The following SLC9A8 variants were observed in gnomAD, a reference collection of about 807,000 sequenced individuals.
SLC9A8 encodes sodium/hydrogen exchanger 8.
A neutral mutation model predicts 66.6 loss-of-function variants in SLC9A8; 48 were observed. That is an observed-to-expected ratio of 0.72 (90% CI 0.57 to 0.92). The LOEUF (loss-of-function observed/expected upper bound fraction) is 0.92. Ranked by LOEUF, SLC9A8 falls within the 40% of genes least tolerant of loss-of-function variation. The pLI is 0.00. For missense variants in SLC9A8, 599 were observed against 747.3 expected (o/e 0.80, Z 2.31); for synonymous variants, 274 against 282.6 (o/e 0.97, Z 0.31).
In SLC9A8 at chr20:49,886,968, A is replaced by T. The variant is rs2089914935; in HGVS notation, c.1638+70A>T. ...CCTCCTTCAGGACCTGCGGTGGCCC[A>T]GGGTGGGGTGGAGGAAGAGTGGGGA... On this transcript the variant is annotated intron_variant, in intron 15 of 15. Transcript: ENST00000361573. The surrounding 1 kb of genome is among the most constrained non-coding windows in gnomAD (Gnocchi z 4.8). 2 of 1,524,380 alleles carry T rather than the reference A, an allele frequency of 1.3e-6. No individual in the cohort carries two copies. Among genetic ancestry groups the T allele is most frequent in the Non-Finnish European group, 1.8e-6 (2 of 1,125,222 alleles). 94.4% of individuals were successfully genotyped at this position (1,524,380 alleles called of 1,614,324 possible). A position where few individuals can be genotyped will look rare whatever the true frequency, so the allele number is the denominator to read the frequency against.
intron 13 of SLC9A8, among the ~76,000 whole-genome samples, chr20:49,881,679 C>A (rs2089630313): frequency 6.6e-6 from 1 of 152,154 alleles, no homozygotes; most frequent in Non-Finnish European, 1.5e-5. Context: ...ATAATGTTCT[C>A]TATCCAAAGG....
Position 49,815,078 on chromosome 20 carries a change from C to T in SLC9A8, c.97C>T (p.Leu33=), listed in dbSNP as rs1385518993. Residue 33 remains leucine, a synonymous_variant, in exon 2 of 16, where the codon CTG becomes TTG. Coordinates refer to ENST00000361573, the MANE Select transcript of SLC9A8 (RefSeq NM_015266.3). ...LHTTLVVTTK[L]VLPTPGKPIL... is the part of the protein sequence containing the mutation. Reference sequence around the variant, plus strand: ...CACCACCCTGGTTGTCACGACGAAACTGGTGCTCCCGACCCCTGGCAAGCC... The same window carrying T: ...CACCACCCTGGTTGTCACGACGAAATTGGTGCTCCCGACCCCTGGCAAGCC... 2.5e-6 allele frequency: 4 copies of T among 1,609,342 alleles called. No homozygotes were observed. Among genetic ancestry groups the T allele is most frequent in the Non-Finnish European group, 2.5e-6 (3 of 1,178,046 alleles).
chr20:49,814,189 C>T (rs2086463494), intron 1 of SLC9A8, among the ~76,000 whole-genome samples: 1 of 152,160 alleles, frequency 6.6e-6, no homozygotes, highest in Non-Finnish European at 1.5e-5. Flanking sequence ...CCAGCGATTT[C>T]AAGTTTGGGT....
chr20:49,852,455 A>G (rs1343649237), intron 7 of SLC9A8, among the ~76,000 whole-genome samples: 1 of 152,244 alleles, frequency 6.6e-6, no homozygotes, highest in African/African-American at 2.4e-5. Context: ...TGTAGAAAAC[A>G]TAAAAATAAC....
Position 49,864,733 on chromosome 20 carries a change from A to C in SLC9A8, c.853-6A>C, listed in dbSNP as rs762856999. ...CGATTCTCCTTCCTTGACAGTTGTC[A>C]TTTACGTGCTGAAGCATATTGACTT... On this transcript the variant is annotated splice_polypyrimidine_tract_variant and splice_region_variant and intron_variant, in intron 9 of 15. Coordinates refer to ENST00000361573, the MANE Select transcript of SLC9A8 (RefSeq NM_015266.3). The C allele has an allele frequency of 5.6e-6, 9 of 1,610,496 alleles. No homozygotes were observed. The highest frequency in any genetic ancestry group is 7.6e-6 in the Non-Finnish European group (9 of 1,176,854).
Position 49,834,177 on chromosome 20 carries a change from CTCTCTCTCTATATATATA to C in SLC9A8, c.290-5362_290-5345del, listed in dbSNP as rs1440315367. On this transcript the variant is annotated intron_variant, in intron 3 of 15. Coordinates refer to ENST00000361573, the MANE Select transcript of SLC9A8 (RefSeq NM_015266.3). ...TCTCTCTCTCTCTCTCTCTCTCTCT[CTCTCTCTCTATATATATA>C]TATATATATATATATATATACACAC... 1.9e-3 allele frequency among the ~76,000 whole-genome samples: 108 copies of C among 56,970 alleles called. 3 individuals carry two copies. Among genetic ancestry groups the C allele is most frequent in the Middle Eastern group, 0.01 (1 of 100 alleles). The allele number at this position is 56,970 out of a possible 152,430, so 37.4% of individuals were successfully genotyped here. A position where few individuals can be genotyped will look rare whatever the true frequency, so the allele number is the denominator to read the frequency against.
Position 49,812,837 on chromosome 20 carries a change from C to A in SLC9A8, c.-86C>A. 2 of 1,456,276 alleles carry A rather than the reference C, an allele frequency of 1.4e-6. No homozygotes were observed. The highest frequency in any genetic ancestry group is 2.9e-5 in the East Asian group (1 of 34,508). The allele number at this position is 1,456,276 out of a possible 1,614,324, so 90.2% of individuals were successfully genotyped here. A position where few individuals can be genotyped will look rare whatever the true frequency, so the allele number is the denominator to read the frequency against. The stretch of plus-strand genomic sequence containing the variant: ...CGAGGCCCCGCCTCCCGCTCGCCCG[C>A]CCGCGCCTCCAGCGGAAGCCGGAAG... On this transcript the variant is annotated 5_prime_UTR_variant, in exon 1 of 16. Transcript: ENST00000361573.
At chr20:49,880,664 T>C (rs1051555253) in intron 12 of SLC9A8, among the ~76,000 whole-genome samples, 6 of 152,216 alleles carry the variant, frequency 3.9e-5, no homozygotes, top group Non-Finnish European at 8.8e-5. Flanking sequence ...TGATACCTCG[T>C]CCGTCCTCTC....
At chr20:49,836,362 C>G (rs1469855190) in intron 3 of SLC9A8, among the ~76,000 whole-genome samples, 1 of 152,108 alleles carries the variant, frequency 6.6e-6, no homozygotes, top group Admixed American at 6.5e-5. Context: ...GAAATGGAGT[C>G]TAACTTTGTC....
intron 3 of SLC9A8, among the ~76,000 whole-genome samples, chr20:49,834,199 A>G (rs1457959092): frequency 7.9e-6 from 1 of 126,440 alleles, no homozygotes. Flanking sequence ...ATATATATAT[A>G]TATATATATA....
chr20:49,824,791 C>T (rs1196739611), intron 3 of SLC9A8, among the ~76,000 whole-genome samples: 1 of 152,164 alleles, frequency 6.6e-6, no homozygotes, highest in Non-Finnish European at 1.5e-5. Context: ...AGATGGGCCC[C>T]TCCAAGTCAA....
chr20:49,882,845 C>T (rs2089681464), intron 13 of SLC9A8, among the ~76,000 whole-genome samples: 1 of 152,196 alleles, frequency 6.6e-6, no homozygotes, highest in South Asian at 2.1e-4. Context: ...AGTCCCTTGT[C>T]CTCACCATGT....
intron 3 of SLC9A8, chr20:49,830,252 T>G: frequency 9.6e-7 from 1 of 1,036,742 alleles, no homozygotes; most frequent in Non-Finnish European, 1.5e-6. Context: ...GGGGCCTTGG[T>G]CTCATGAGAA....
rs1476365542 is a variant in SLC9A8 at position 49,891,176 on chromosome 20, G to C, written c.*3240G>C. ...GTGGGGAGAAGCTCAGTGGCCGTTTGCTGCCACTGACAAGGATTTCACATG... is the reference window on the plus strand; with the variant it reads ...GTGGGGAGAAGCTCAGTGGCCGTTTCCTGCCACTGACAAGGATTTCACATG... On this transcript the variant is annotated 3_prime_UTR_variant, in exon 16 of 16. Transcript: ENST00000361573. 1.3e-5 allele frequency: 2 copies of C among 152,290 alleles called. No individual in the cohort carries two copies. Among genetic ancestry groups the C allele is most frequent in the East Asian group, 3.9e-4 (2 of 5,170 alleles). 9.4% of individuals were successfully genotyped at this position (152,290 alleles called of 1,614,324 possible). A position where few individuals can be genotyped will look rare whatever the true frequency, so the allele number is the denominator to read the frequency against.
At chr20:49,832,859 C>G (rs1371572697) in intron 3 of SLC9A8, among the ~76,000 whole-genome samples, 3 of 151,868 alleles carry the variant, frequency 2.0e-5, no homozygotes, top group African/African-American at 4.8e-5. Context: ...CTGTAAAGTT[C>G]CTTTTTATAA....
intron 3 of SLC9A8, among the ~76,000 whole-genome samples, chr20:49,827,045 G>A (rs1327736913): frequency 2.0e-5 from 3 of 151,358 alleles, no homozygotes; most frequent in Non-Finnish European, 2.9e-5. Context: ...GGGTTCAAGC[G>A]ATTCTCCTGC....
At chr20:49,864,700 C>G in intron 9 of SLC9A8, 39 bp from the exon 10 acceptor site, 1 of 1,443,214 alleles carries the variant, frequency 6.9e-7, no homozygotes, top group Non-Finnish European at 9.8e-7. Context: ...CTCCCATCAA[C>G]TCTCCCTCGA....
intron 10 of SLC9A8, among the ~76,000 whole-genome samples, chr20:49,870,496 G>A (rs1412053178): frequency 6.6e-6 from 1 of 152,140 alleles, no homozygotes; most frequent in African/African-American, 2.4e-5. Context: ...AGATAGATGT[G>A]CGGGAGTGTG....
chr20:49,818,528 T>C lies in SLC9A8; in HGVS notation c.208+3339T>C, dbSNP rs557783696. 3.5e-4 allele frequency among the ~76,000 whole-genome samples: 53 copies of C among 151,408 alleles called. No individual in the cohort carries two copies. The South Asian group carries it at 9.9e-3, about 28-fold the overall frequency. On this transcript the variant is annotated intron_variant, in intron 2 of 15. Coordinates refer to ENST00000361573, the MANE Select transcript of SLC9A8 (RefSeq NM_015266.3). ...CCCCCTGAGATGGAATCTTGTTCTG[T>C]TGCCCAGGCTGGAGTGCAGTGGCAT...
Sources: allele counts gnomAD v4.1 joint callset (sites outside exome capture counted in the v4.1 genomes callset), GRCh38; gene constraint gnomAD v4.1.1; non-coding constraint Gnocchi (gnomAD v3.1); transcripts MANE v1.5; gene names NCBI Gene and HGNC (gene_info 2026-07-23, HGNC 2026-07-21).